The following CWF19L2 variants were observed in gnomAD, a reference collection of about 807,000 sequenced individuals.
CWF19L2 encodes CWF19 like cell cycle control factor 2.
A neutral mutation model predicts 111.7 loss-of-function variants in CWF19L2; 98 were observed. That is an observed-to-expected ratio of 0.88 (90% CI 0.75 to 1.04). The LOEUF (loss-of-function observed/expected upper bound fraction) is 1.04, where lower values mean the gene tolerates loss of function less well. CWF19L2 is among the 50% of genes least tolerant of loss of function. The pLI, the probability that CWF19L2 is intolerant of heterozygous loss-of-function variation, is 0.00. For synonymous variants in CWF19L2, 351 were observed against 342.9 expected, an observed-to-expected ratio of 1.02 and a Z score of -0.26; for missense variants, 1,101 against 1,051.4, an observed-to-expected ratio of 1.05 and a Z score of -0.65.
At chr11:107,344,784 A>G (rs1860053667) in intron 14 of CWF19L2, among the ~76,000 whole-genome samples, 1 of 152,176 alleles carries the variant, frequency 6.6e-6, no homozygotes, top group African/African-American at 2.4e-5. Flanking sequence ...AAATCTGGAT[A>G]TTTTGAGAAT....
intron 14 of CWF19L2, among the ~76,000 whole-genome samples, chr11:107,347,407 G>C (rs978420014): frequency 3.9e-5 from 6 of 152,102 alleles, no homozygotes; most frequent in African/African-American, 1.4e-4. Flanking sequence ...AATTTGAGTT[G>C]TACATATTTG....
intron 10 of CWF19L2, among the ~76,000 whole-genome samples, chr11:107,412,616 C>A (rs559462127): frequency 9.0e-4 from 137 of 152,330 alleles, no homozygotes; most frequent in African/African-American, 3.2e-3. Flanking sequence ...GCTGGGATTA[C>A]AGGCATGAGC....
Position 107,441,627 on chromosome 11 carries a change from T to A in CWF19L2, c.451-5A>T, listed in dbSNP as rs1292433976. 12 of 1,496,218 alleles carry A rather than the reference T, an allele frequency of 8.0e-6. No individual in the cohort carries two copies. Among genetic ancestry groups the A allele is most frequent in the East Asian group, 2.5e-5 (1 of 39,488 alleles). 92.7% of individuals were successfully genotyped at this position (1,496,218 alleles called of 1,614,324 possible). On this transcript the variant is annotated splice_polypyrimidine_tract_variant and splice_region_variant and intron_variant, in intron 4 of 17. Transcript: ENST00000282251. ...AACAGTCATCCACTCATCCCTCTGT[T>A]AAAAAAAAAGACATAAAATCAACAG...
intron 3 of CWF19L2, among the ~76,000 whole-genome samples, chr11:107,448,621 GA>G (rs1861734997): frequency 6.6e-6 from 1 of 152,136 alleles, no homozygotes; most frequent in Non-Finnish European, 1.5e-5. Flanking sequence ...GCTACACTCT[GA>G]ATGTTTGTGT....
At chr11:107,368,128 A>AC (rs1420811207) in intron 12 of CWF19L2, among the ~76,000 whole-genome samples, 1 of 124,016 alleles carries the variant, frequency 8.1e-6, no homozygotes, top group Admixed American at 7.8e-5. Flanking sequence ...CCCCCCCCAC[A>AC]CAAAAATACA....
chr11:107,451,559 G>A (rs184867219), intron 3 of CWF19L2, among the ~76,000 whole-genome samples: 2 of 152,054 alleles, frequency 1.3e-5, no homozygotes, highest in Non-Finnish European at 2.9e-5. Flanking sequence ...ACTGACAGAG[G>A]AAACAAACAG....
In CWF19L2 at chr11:107,369,470, T is replaced by G. The variant is rs1426912740; in HGVS notation, c.1873-15734A>C. Among the ~76,000 whole-genome samples, 2 of 137,468 alleles carry G rather than the reference T, an allele frequency of 1.5e-5. 1 individual carries two copies. The highest frequency in any genetic ancestry group is 3.1e-5 in the Non-Finnish European group (2 of 64,160). 90.2% of individuals were successfully genotyped at this position (137,468 alleles called of 152,430 possible). On this transcript the variant is annotated intron_variant, in intron 12 of 17. Transcript: ENST00000282251. ...GAAAAAACACAAAATGCCACATTTT[T>G]AAAACCATAATGACAAACCACGAAA...
intron 10 of CWF19L2, among the ~76,000 whole-genome samples, chr11:107,412,380 G>A (rs778849631): frequency 3.3e-5 from 5 of 152,116 alleles, no homozygotes; most frequent in African/African-American, 1.2e-4. Context: ...CCACACTGCC[G>A]CCCAGGCTGG....
chr11:107,416,441 G>A (rs1033074656), intron 9 of CWF19L2, 143 bp from the exon 10 acceptor site: 2 of 370,162 alleles, frequency 5.4e-6, no homozygotes, highest in African/African-American at 4.2e-5. Context: ...CCAACCCATA[G>A]CCTAGTATAC....
chr11:107,441,762 A>G (rs1041398822), intron 4 of CWF19L2, 140 bp from the exon 5 acceptor site: 1 of 761,424 alleles, frequency 1.3e-6, no homozygotes, highest in African/African-American at 1.8e-5. Flanking sequence ...ACATGGCTAT[A>G]TAACTTGAAG....
At chr11:107,393,179 A>C (rs1851423249) in intron 10 of CWF19L2, among the ~76,000 whole-genome samples, 1 of 152,198 alleles carries the variant, frequency 6.6e-6, no homozygotes, top group Non-Finnish European at 1.5e-5. Flanking sequence ...AAGATGACGA[A>C]GTATCAATAG....
chr11:107,417,914 C>T (rs367918745), intron 9 of CWF19L2, among the ~76,000 whole-genome samples: 51 of 152,214 alleles, frequency 3.4e-4, no homozygotes, highest in African/African-American at 1.1e-3. Context: ...CATGCGCCAC[C>T]ACACCCAGCT....
At chr11:107,335,096 G>A (rs1859903380) in intron 15 of CWF19L2, 135 bp from the exon 16 acceptor site, 2 of 519,746 alleles carry the variant, frequency 3.8e-6, no homozygotes, top group African/African-American at 2.0e-5. Context: ...ACTGATTAAG[G>A]CTTTTAGTTA....
chr11:107,362,484 G>A (rs1021172902), intron 12 of CWF19L2, among the ~76,000 whole-genome samples: 3 of 152,168 alleles, frequency 2.0e-5, no homozygotes, highest in Admixed American at 2.0e-4. Flanking sequence ...TCTGAATACG[G>A]GCAGACTGCC....
At position 107,364,142 on chromosome 11, in the gene CWF19L2, AC is replaced by A. The variant is rs1860401108; in HGVS notation, c.1873-10407del. 3.0e-5 allele frequency among the ~76,000 whole-genome samples: 4 copies of A among 131,402 alleles called. No individual in the cohort carries two copies. The South Asian group carries it at 1.0e-3, about 33-fold the overall frequency. The allele number at this position is 131,402 out of a possible 152,430, so 86.2% of individuals were successfully genotyped here. A position where few individuals can be genotyped will look rare whatever the true frequency, so the allele number is the denominator to read the frequency against. ...AGCTAACTATCCTAAATATATATGC[AC>A]CCAATACAGGAGCACCCAGATTCAT... On this transcript the variant is annotated intron_variant, in intron 12 of 17. Coordinates refer to ENST00000282251, the MANE Select transcript of CWF19L2 (RefSeq NM_152434.3).
chr11:107,337,777 T>C, intron 14 of CWF19L2, among the ~76,000 whole-genome samples: 1 of 152,198 alleles, frequency 6.6e-6, no homozygotes, highest in East Asian at 1.9e-4. Flanking sequence ...AAAGTATATT[T>C]AAGTAGGAAG....
rs186940999 is a variant in CWF19L2, at chr11:107,347,863, A to T, written c.2202+1074T>A. 3.1e-3 allele frequency among the ~76,000 whole-genome samples: 471 copies of T among 152,294 alleles called. 3 individuals are homozygous for T. The highest frequency in any genetic ancestry group is 0.011 in the African/African-American group (450 of 41,580). On this transcript the variant is annotated intron_variant, in intron 14 of 17. Coordinates refer to ENST00000282251, the MANE Select transcript of CWF19L2 (RefSeq NM_152434.3). ...ACACATTGTATTCCTATAATTACTT[A>T]AAATATTTTTGGCACTGCATTTTGC...
At chr11:107,383,839 C>G (rs907828076) in intron 12 of CWF19L2, among the ~76,000 whole-genome samples, 1 of 152,202 alleles carries the variant, frequency 6.6e-6, no homozygotes, top group Non-Finnish European at 1.5e-5. Flanking sequence ...CAGGTAGTAT[C>G]AGATTTCTGT....
At chr11:107,328,700 CT>C (rs1257023086) in intron 17 of CWF19L2, among the ~76,000 whole-genome samples, 1 of 152,072 alleles carries the variant, frequency 6.6e-6, no homozygotes, top group Non-Finnish European at 1.5e-5. Flanking sequence ...ATTTTACTTC[CT>C]TTTTTCTAGG....
Sources: gnomAD v4.1 joint callset for allele counts (sites outside exome capture counted in the v4.1 genomes callset) on GRCh38, gnomAD v4.1.1 for gene constraint, MANE v1.5 for transcripts, NCBI Gene and HGNC (gene_info 2026-07-23, HGNC 2026-07-21) for gene names.